Variants in KCNQ1 observed in about 807,000 individuals in gnomAD.
KCNQ1 encodes potassium voltage-gated channel subfamily Q member 1.
In KCNQ1, 49 loss-of-function variants were observed where a neutral mutation model predicts 72.4. The ratio of observed to expected loss-of-function variants is 0.68; its 90% CI spans 0.54 to 0.86. The LOEUF is 0.86. Among genes scored for constraint, KCNQ1 ranks in the 40% least tolerant of loss-of-function variants. The pLI, the probability that KCNQ1 is intolerant of heterozygous loss-of-function variation, is 0.00. For missense variants in KCNQ1, 790 were observed against 945.1 expected (o/e 0.84, Z 2.15); for synonymous variants, 450 against 412.6 (o/e 1.09, Z -1.10).
Position 2,695,890 on chromosome 11 carries a change from C to T in KCNQ1, c.1514+33809C>T, listed in dbSNP as rs1032487054. 8.3e-5 allele frequency: 33 copies of T among 398,660 alleles called. No individual in the cohort carries two copies. Among genetic ancestry groups the T allele is most frequent in the African/African-American group, 5.7e-4 (28 of 48,762 alleles). The allele number at this position is 398,660 out of a possible 1,614,324, so 24.7% of individuals were successfully genotyped here. A position where few individuals can be genotyped will look rare whatever the true frequency, so the allele number is the denominator to read the frequency against. ...GTTAACCCTCCTGCAAACTGGCAAT[C>T]TTCCTACCTTTTTCTTAATGATTTG... On this transcript the variant is annotated intron_variant, in intron 11 of 15. Coordinates refer to ENST00000155840, the MANE Select transcript of KCNQ1 (RefSeq NM_000218.3). The surrounding 1 kb of genome is among the most constrained non-coding windows in gnomAD (Gnocchi z 5.2).
chr11:2,445,690 G>A (rs1401770442), intron 1 of KCNQ1, among the ~76,000 whole-genome samples: 2 of 151,990 alleles, frequency 1.3e-5, no homozygotes, highest in African/African-American at 4.8e-5. Flanking sequence ...GCATCTTCTC[G>A]CAGGCCCGGC....
rs1009220491 is a variant in KCNQ1 at position 2,550,362 on chromosome 11, T to A, written c.478-20266T>A. 2.6e-5 allele frequency among the ~76,000 whole-genome samples: 4 copies of A among 152,084 alleles called. No homozygotes were observed. Among genetic ancestry groups the A allele is most frequent in the African/African-American group, 7.2e-5 (3 of 41,412 alleles). On this transcript the variant is annotated intron_variant, in intron 2 of 15. Coordinates refer to ENST00000155840, the MANE Select transcript of KCNQ1 (RefSeq NM_000218.3). This position sits in a 1 kb window ranked among gnomAD's most constrained non-coding sequence, Gnocchi z 6.0. Reference sequence around the variant, plus strand: ...TCACCCCTCACACCCCCTGCTAGGGTCCCTCTGGGGGTTGAATGAAAAGGC... The same window carrying A: ...TCACCCCTCACACCCCCTGCTAGGGACCCTCTGGGGGTTGAATGAAAAGGC...
At position 2,537,408 on chromosome 11, in the gene KCNQ1, C is replaced by A. The variant is rs1403022754; in HGVS notation, c.477+9390C>A. On this transcript the variant is annotated intron_variant, in intron 2 of 15. Transcript: ENST00000155840. This position sits in a 1 kb window ranked among gnomAD's most constrained non-coding sequence, Gnocchi z 5.2. The stretch of plus-strand genomic sequence containing the variant: ...CAGTTGCTAGGGGCATTTAAACTTG[C>A]AGTCGAATTAGTAACAATTTTATTT... Among the ~76,000 whole-genome samples, 1 of 152,102 alleles carries A rather than the reference C, an allele frequency of 6.6e-6. No individual in the cohort carries two copies. Among genetic ancestry groups the A allele is most frequent in the African/African-American group, 2.4e-5 (1 of 41,338 alleles).
Position 2,491,283 on chromosome 11 carries a change from G to A in KCNQ1, c.387-36645G>A, listed in dbSNP as rs184781683. 3.3e-4 allele frequency among the ~76,000 whole-genome samples: 50 copies of A among 152,348 alleles called. 1 individual carries two copies. In the East Asian group the frequency reaches 8.7e-3, roughly 26 times the overall value. ...TCAGGGACCAATCCTGAAGAAAAGAGATATGTGACCTTTCAGAGAGAGAAT... is the reference window on the plus strand; with the variant it reads ...TCAGGGACCAATCCTGAAGAAAAGAAATATGTGACCTTTCAGAGAGAGAAT... On this transcript the variant is annotated intron_variant, in intron 1 of 15. Coordinates refer to ENST00000155840, the MANE Select transcript of KCNQ1 (RefSeq NM_000218.3). The surrounding 1 kb of genome is among the most constrained non-coding windows in gnomAD (Gnocchi z 4.1).
chr11:2,802,257 C>T (rs1847283754), intron 15 of KCNQ1, among the ~76,000 whole-genome samples: 1 of 152,222 alleles, frequency 6.6e-6, no homozygotes. Flanking sequence ...CTCACAGTGA[C>T]AGAGCTGGCT....
intron 11 of KCNQ1, among the ~76,000 whole-genome samples, chr11:2,753,882 GT>G (rs201545201): frequency 1.3e-5 from 2 of 151,822 alleles, no homozygotes; most frequent in African/African-American, 4.8e-5. Context: ...TCTGTGGCTG[GT>G]TTTTTTTGTT....
chr11:2,834,704 T>G (rs966433591), intron 15 of KCNQ1, among the ~76,000 whole-genome samples: 2 of 152,050 alleles, frequency 1.3e-5, no homozygotes, highest in African/African-American at 4.8e-5. Flanking sequence ...TGGAAGGGTG[T>G]CCTTATGTCT....
At chr11:2,524,734 G>A (rs139143516) in intron 1 of KCNQ1, among the ~76,000 whole-genome samples, 1 of 152,202 alleles carries the variant, frequency 6.6e-6, no homozygotes, top group East Asian at 1.9e-4. Context: ...CCTGCTGGAC[G>A]TCAGGTGACA....
chr11:2,846,767 C>G (rs1238082584), intron 15 of KCNQ1, among the ~76,000 whole-genome samples: 10 of 152,260 alleles, frequency 6.6e-5, no homozygotes. Context: ...TTCCAAGGAG[C>G]TCTCAGATCA....
rs1474028659 is a variant in KCNQ1, at chr11:2,462,377, G to C, written c.386+16893G>C. ...TTCTGACTTGCCTCCTCTCTCTGACGGGCCTGCTCCTGAGCTTGACACCTG... is the reference window on the plus strand; with the variant it reads ...TTCTGACTTGCCTCCTCTCTCTGACCGGCCTGCTCCTGAGCTTGACACCTG... On this transcript the variant is annotated intron_variant, in intron 1 of 15. Coordinates refer to ENST00000155840, the MANE Select transcript of KCNQ1 (RefSeq NM_000218.3). The surrounding 1 kb of genome is among the most constrained non-coding windows in gnomAD (Gnocchi z 8.2). Among the ~76,000 whole-genome samples the C allele has an allele frequency of 6.6e-6, 1 of 152,176 alleles. No homozygotes were observed. The highest frequency in any genetic ancestry group is 6.5e-5 in the Admixed American group (1 of 15,280).
chr11:2,530,465 C>T (rs530375742), intron 2 of KCNQ1, among the ~76,000 whole-genome samples: 17 of 152,352 alleles, frequency 1.1e-4, no homozygotes, highest in East Asian at 1.9e-4. Context: ...CTGTGAGAGC[C>T]GCGCTGCCAA....
rs1589887273 is a variant in KCNQ1, at chr11:2,451,042, A to G, written c.386+5558A>G. 3.3e-5 allele frequency among the ~76,000 whole-genome samples: 5 copies of G among 152,244 alleles called. No individual in the cohort carries two copies. In the South Asian group the frequency reaches 1.0e-3, roughly 32 times the overall value. On this transcript the variant is annotated intron_variant, in intron 1 of 15. Coordinates refer to ENST00000155840, the MANE Select transcript of KCNQ1 (RefSeq NM_000218.3). This position sits in a 1 kb window ranked among gnomAD's most constrained non-coding sequence, Gnocchi z 6.4. ...ATGTTTGGTTCAGGGTGTGGGGTCC[A>G]TCTGAGCAGGCATGGTGCTTCCAGA...
intron 15 of KCNQ1, among the ~76,000 whole-genome samples, chr11:2,825,096 A>G (rs1351459895): frequency 6.6e-6 from 1 of 152,198 alleles, no homozygotes; most frequent in East Asian, 1.9e-4. Flanking sequence ...CTCAGCCTGG[A>G]CACGGCTGTC....
chr11:2,786,907 T>C (rs1846924691), intron 15 of KCNQ1, among the ~76,000 whole-genome samples: 1 of 151,964 alleles, frequency 6.6e-6, no homozygotes, highest in Non-Finnish European at 1.5e-5. Context: ...GTTTGATTTT[T>C]TCTTCTGCTG....
intron 11 of KCNQ1, chr11:2,693,409 G>A: frequency 2.5e-6 from 1 of 398,682 alleles, no homozygotes; most frequent in Admixed American, 4.4e-5. Context: ...GGCCTAAGCT[G>A]GGAATAAGCT....
In KCNQ1 at chr11:2,734,264, G is replaced by A. The variant is rs920527866; in HGVS notation, c.1515-34580G>A. Among the ~76,000 whole-genome samples the A allele has an allele frequency of 5.9e-5, 9 of 152,364 alleles. No homozygotes were observed. The highest frequency in any genetic ancestry group is 3.9e-4 in the East Asian group (2 of 5,182). On this transcript the variant is annotated intron_variant, in intron 11 of 15. Coordinates refer to ENST00000155840, the MANE Select transcript of KCNQ1 (RefSeq NM_000218.3). The surrounding 1 kb of genome is among the most constrained non-coding windows in gnomAD (Gnocchi z 7.0). The stretch of plus-strand genomic sequence containing the variant: ...GTCAGGTCCTAAGAGGCCTCAGGCC[G>A]GAGCCCAGCTGCAGAGCAGGGCAGG...
chr11:2,611,012 TTGTC>T lies in KCNQ1; in HGVS notation c.1393+22162_1393+22165del, dbSNP rs1204824494. 3 of 398,370 alleles carry T rather than the reference TTGTC, an allele frequency of 7.5e-6. No individual in the cohort carries two copies. The highest frequency in any genetic ancestry group is 6.2e-5 in the African/African-American group (3 of 48,610). 24.7% of individuals were successfully genotyped at this position (398,370 alleles called of 1,614,324 possible). A position where few individuals can be genotyped will look rare whatever the true frequency, so the allele number is the denominator to read the frequency against. On this transcript the variant is annotated intron_variant, in intron 10 of 15. Coordinates refer to ENST00000155840, the MANE Select transcript of KCNQ1 (RefSeq NM_000218.3). The surrounding 1 kb of genome is among the most constrained non-coding windows in gnomAD (Gnocchi z 5.3). ...TGTTGAGTTGTCTATTATTGTTCAGTTGTCTGTTTCTCTCTTCATTTCTGACAGT... is the reference window on the plus strand; with the variant it reads ...TGTTGAGTTGTCTATTATTGTTCAGTTGTTTCTCTCTTCATTTCTGACAGT...
intron 15 of KCNQ1, chr11:2,839,874 TCTTTCAC>T (rs1344611831): frequency 6.6e-6 from 1 of 152,186 alleles, no homozygotes; most frequent in Non-Finnish European, 1.5e-5. Flanking sequence ...GAGCCTGTCG[TCTTTCAC>T]CTCCAGACAG....
rs1177568000 is a variant in KCNQ1, at chr11:2,679,649, C to G, written c.1514+17568C>G. On this transcript the variant is annotated intron_variant, in intron 11 of 15. Coordinates refer to ENST00000155840, the MANE Select transcript of KCNQ1 (RefSeq NM_000218.3). The surrounding 1 kb of genome is among the most constrained non-coding windows in gnomAD (Gnocchi z 4.8). ...GCATCAGAAAAAATACAAGTGCATCCTCATAAGATTATTTAGGATGCATAG... is the reference window on the plus strand; with the variant it reads ...GCATCAGAAAAAATACAAGTGCATCGTCATAAGATTATTTAGGATGCATAG... 1 of 398,430 alleles carries G rather than the reference C, an allele frequency of 2.5e-6. No individual in the cohort carries two copies. Among genetic ancestry groups the G allele is most frequent in the Non-Finnish European group, 4.4e-6 (1 of 226,066 alleles). 24.7% of individuals were successfully genotyped at this position (398,430 alleles called of 1,614,324 possible). A position where few individuals can be genotyped will look rare whatever the true frequency, so the allele number is the denominator to read the frequency against.
Sources: gnomAD v4.1 joint callset for allele counts (sites outside exome capture counted in the v4.1 genomes callset) on GRCh38, gnomAD v4.1.1 for gene constraint, Gnocchi (gnomAD v3.1) non-coding constraint, MANE v1.5 for transcripts, NCBI Gene and HGNC (gene_info 2026-07-23, HGNC 2026-07-21) for gene names.